Variants in TENM1 observed in about 807,000 individuals in gnomAD.
The protein encoded by TENM1 is teneurin-1.
In TENM1, 35 loss-of-function variants were observed where a neutral mutation model predicts 174.8. The observed-to-expected ratio is 0.20, with a 90% CI of 0.15 to 0.27. TENM1 has a LOEUF of 0.27. TENM1 is among the 10% of genes least tolerant of loss of function. The pLI, the probability that TENM1 is intolerant of heterozygous loss-of-function variation, is 1.00. For missense variants in TENM1, 1,633 were observed against 2,130.1 expected, an observed-to-expected ratio of 0.77 and a Z score of 4.59; for synonymous variants, 781 against 798.7, an observed-to-expected ratio of 0.98 and a Z score of 0.37.
the TENM1 span, among the ~76,000 whole-genome samples, chrX:125,095,297 C>T: frequency 8.9e-6 from 1 of 111,781 alleles, no homozygotes; most frequent in South Asian, 3.7e-4. Flanking sequence ...AAAAAATCTT[C>T]TCCAGGATCC....
At chrX:124,443,649 G>T (rs765517617) in intron 23 of TENM1, among the ~76,000 whole-genome samples, 1 of 111,969 alleles carries the variant, frequency 8.9e-6, no homozygotes, top group Non-Finnish European at 1.9e-5. Flanking sequence ...GCTTTATGTT[G>T]ATTTGGAAAA....
the TENM1 span, among the ~76,000 whole-genome samples, chrX:125,077,325 T>C: frequency 9.0e-6 from 1 of 111,271 alleles, no homozygotes; most frequent in Non-Finnish European, 1.9e-5. Flanking sequence ...TGCCATGGAA[T>C]CTCAACTGAA....
chrX:124,935,622 A>C lies in TENM1; in HGVS notation c.217+27915T>G, dbSNP rs998079148. 5.3e-5 allele frequency among the ~76,000 whole-genome samples: 6 copies of C among 112,739 alleles called. No individual in the cohort carries two copies. The East Asian group carries it at 1.4e-3, about 26-fold the overall frequency. ...CCTGCGACATAGCAGAGACCCAACAAATGTTTACCAAATCAATTAAAGCAT... is the reference window on the plus strand; with the variant it reads ...CCTGCGACATAGCAGAGACCCAACACATGTTTACCAAATCAATTAAAGCAT... On this transcript the variant is annotated intron_variant, in intron 1 of 31. Coordinates refer to ENST00000422452, the Ensembl canonical transcript of TENM1.
the TENM1 span, among the ~76,000 whole-genome samples, chrX:125,115,192 C>T: frequency 9.0e-6 from 1 of 111,344 alleles, no homozygotes; most frequent in Admixed American, 9.6e-5. Context: ...ATTTAACACC[C>T]CTTCATGCTA....
chrX:124,836,348 T>C (rs969169571), intron 3 of TENM1, among the ~76,000 whole-genome samples: 1 of 111,734 alleles, frequency 8.9e-6, no homozygotes, highest in South Asian at 3.8e-4. Context: ...TTAAAAACTT[T>C]ATATCTTCCT....
the TENM1 span, among the ~76,000 whole-genome samples, chrX:125,057,911 G>T: frequency 8.9e-6 from 1 of 111,890 alleles, no homozygotes; most frequent in Non-Finnish European, 1.9e-5. Context: ...CCTCCAGAGG[G>T]AGCTTCATGG....
the TENM1 span, among the ~76,000 whole-genome samples, chrX:125,078,069 C>T: frequency 2.2e-4 from 25 of 111,706 alleles, no homozygotes; most frequent in East Asian, 6.0e-3. Context: ...AGAGGATGTG[C>T]AGTCTTGGGT....
chrX:124,645,808 A>G (rs57655615), intron 9 of TENM1, among the ~76,000 whole-genome samples: 13,114 of 111,711 alleles, frequency 0.12, 1,630 homozygotes, highest in African/African-American at 0.37. Flanking sequence ...GACCTTTATT[A>G]GAATGCTAAT....
the TENM1 span, among the ~76,000 whole-genome samples, chrX:125,042,918 T>A: frequency 1.4e-4 from 16 of 111,594 alleles, no homozygotes; most frequent in South Asian, 3.7e-4. Context: ...GACAACTGGC[T>A]GGTTAGTACA....
At chrX:125,083,485 C>T in the TENM1 span, among the ~76,000 whole-genome samples, 1 of 110,043 alleles carries the variant, frequency 9.1e-6, no homozygotes, top group African/African-American at 3.3e-5. Context: ...CATCCCTCTA[C>T]CCAAGATTCT....
Position 124,765,054 on chromosome X carries a change from C to A in TENM1, c.536-27857G>T, listed in dbSNP as rs1031568705. Among the ~76,000 whole-genome samples the A allele has an allele frequency of 3.6e-5, 4 of 111,519 alleles. No homozygotes were observed. In the Admixed American group the frequency reaches 3.8e-4, roughly 11 times the overall value. ...AAGAAGCTACAGTAATCTCTTCTGA[C>A]CACCTATAGCACTGTTTCCTATTAT... On this transcript the variant is annotated intron_variant, in intron 3 of 31. Coordinates refer to ENST00000422452, the Ensembl canonical transcript of TENM1.
chrX:124,706,928 G>A (rs916011102), intron 4 of TENM1, among the ~76,000 whole-genome samples: 1 of 109,696 alleles, frequency 9.1e-6, no homozygotes, highest in African/African-American at 3.3e-5. Flanking sequence ...GGTCATTTGG[G>A]GTTCCAAAGT....
intron 3 of TENM1, among the ~76,000 whole-genome samples, chrX:124,863,073 A>C (rs942481885): frequency 9.2e-6 from 1 of 108,374 alleles, no homozygotes; most frequent in Non-Finnish European, 1.9e-5. Context: ...TCCTGCCAAC[A>C]GTCATCACCT....
intron 5 of TENM1, among the ~76,000 whole-genome samples, chrX:124,695,470 T>G (rs2052626387): frequency 9.0e-6 from 1 of 110,986 alleles, no homozygotes; most frequent in Non-Finnish European, 1.9e-5. Context: ...CTATGGGCTT[T>G]GGTAATGAAA....
At chrX:125,138,882 A>G in the TENM1 span, among the ~76,000 whole-genome samples, 11 of 110,875 alleles carry the variant, frequency 9.9e-5, no homozygotes, top group African/African-American at 3.0e-4. Flanking sequence ...GATTTGCCCG[A>G]ATCCCCCATC....
At chrX:125,062,531 T>C in the TENM1 span, among the ~76,000 whole-genome samples, 1 of 111,962 alleles carries the variant, frequency 8.9e-6, no homozygotes, top group Non-Finnish European at 1.9e-5. Flanking sequence ...AATAAGAGCA[T>C]TGTTAAAGTC....
At chrX:125,046,467 C>T in the TENM1 span, among the ~76,000 whole-genome samples, 2 of 111,987 alleles carry the variant, frequency 1.8e-5, no homozygotes, top group Non-Finnish European at 3.8e-5. Flanking sequence ...TGCTGCTTAC[C>T]GTCTTCTATG....
chrX:125,048,939 T>C, the TENM1 span, among the ~76,000 whole-genome samples: 1 of 111,551 alleles, frequency 9.0e-6, no homozygotes, highest in Non-Finnish European at 1.9e-5. Context: ...AATTTTCACA[T>C]CTGTAAAATG....
At chrX:124,837,381 G>A (rs185380279) in intron 3 of TENM1, among the ~76,000 whole-genome samples, 14 of 112,172 alleles carry the variant, frequency 1.2e-4, no homozygotes, top group African/African-American at 2.9e-4. Flanking sequence ...GAGCTACGAC[G>A]CCCAGCCTTT....
Sources: gnomAD v4.1 joint callset for allele counts (sites outside exome capture counted in the v4.1 genomes callset) on GRCh38, gnomAD v4.1.1 for gene constraint, MANE v1.5 for transcripts, NCBI Gene and HGNC (gene_info 2026-07-23, HGNC 2026-07-21) for gene names.